SENP7: variants seen among roughly 807,000 people sequenced by gnomAD.
The protein encoded by SENP7 is sentrin-specific protease 7.
A neutral mutation model predicts 141.2 loss-of-function variants in SENP7; 64 were observed. The observed-to-expected ratio is 0.45, with a 90% CI of 0.37 to 0.56. The LOEUF (loss-of-function observed/expected upper bound fraction) is 0.56. Ranked by LOEUF, SENP7 falls within the 20% of genes least tolerant of loss-of-function variation. The pLI is 0.00. For missense variants in SENP7, 1,025 were observed against 1,212.2 expected (o/e 0.85, Z 2.29); for synonymous variants, 382 against 426.4 (o/e 0.90, Z 1.28).
intron 3 of SENP7, among the ~76,000 whole-genome samples, chr3:101,490,911 CA>C (rs964500400): frequency 6.6e-6 from 1 of 152,124 alleles, no homozygotes; most frequent in Non-Finnish European, 1.5e-5. Context: ...AACCACAGAG[CA>C]CAGTAAGGCT....
chr3:101,380,444 C>A (rs925531506), intron 6 of SENP7, among the ~76,000 whole-genome samples: 1 of 106,970 alleles, frequency 9.3e-6, no homozygotes, highest in Non-Finnish European at 2.1e-5. Flanking sequence ...CGCCCCCCCC[C>A]CCACACACAC....
At chr3:101,470,064 C>T (rs2063924097) in intron 3 of SENP7, among the ~76,000 whole-genome samples, 2 of 152,032 alleles carry the variant, frequency 1.3e-5, no homozygotes, top group Non-Finnish European at 1.5e-5. Flanking sequence ...ATCTCTGGGA[C>T]ATATTTAAAG....
intron 4 of SENP7, among the ~76,000 whole-genome samples, chr3:101,451,774 C>G (rs569508692): frequency 2.0e-5 from 3 of 152,294 alleles, no homozygotes; most frequent in African/African-American, 7.2e-5. Flanking sequence ...TGGGCAAAAA[C>G]TGGAAGCATT....
At chr3:101,366,368 T>TA (rs938638739) in intron 9 of SENP7, 62 bp downstream of exon 9, 19 of 1,264,490 alleles carry the variant, frequency 1.5e-5, no homozygotes, top group African/African-American at 1.4e-4. Context: ...TCAAGAAGAA[T>TA]AAAAAAATAA....
At chr3:101,490,744 T>A (rs1205742638) in intron 3 of SENP7, among the ~76,000 whole-genome samples, 3 of 152,152 alleles carry the variant, frequency 2.0e-5, no homozygotes, top group Admixed American at 2.0e-4. Flanking sequence ...TCCTAAAGAC[T>A]ATGGAAAGGG....
rs568184534 is a variant in SENP7 at position 101,347,125 on chromosome 3, G to A, written c.1837+747C>T. 6.6e-5 allele frequency among the ~76,000 whole-genome samples: 10 copies of A among 152,148 alleles called. No individual in the cohort carries two copies. The South Asian group carries it at 8.3e-4, about 13-fold the overall frequency. ...TAGTCCCAGCTACTTGGGAGGCTGAGGTGGGAGGATCACATGAGCCCAGGA... is the reference window on the plus strand; with the variant it reads ...TAGTCCCAGCTACTTGGGAGGCTGAAGTGGGAGGATCACATGAGCCCAGGA... On this transcript the variant is annotated intron_variant, in intron 13 of 23. Coordinates refer to ENST00000394095, the MANE Select transcript of SENP7 (RefSeq NM_020654.5).
intron 1 of SENP7, among the ~76,000 whole-genome samples, chr3:101,505,124 T>C (rs1046121989): frequency 2.6e-5 from 4 of 152,052 alleles, no homozygotes; most frequent in Admixed American, 2.0e-4. Context: ...ATATTCTCAC[T>C]ATAAGTAGGG....
chr3:101,451,184 A>G (rs1431629054), intron 4 of SENP7, among the ~76,000 whole-genome samples: 2 of 152,226 alleles, frequency 1.3e-5, no homozygotes, highest in South Asian at 2.1e-4. Flanking sequence ...TGAATCTCTG[A>G]ATAGACCAAT....
At chr3:101,462,929 A>C (rs2063597034) in intron 3 of SENP7, among the ~76,000 whole-genome samples, 1 of 152,210 alleles carries the variant, frequency 6.6e-6, no homozygotes, top group South Asian at 2.1e-4. Context: ...ATTCATCAAA[A>C]TCAAATATTT....
chr3:101,390,549 G>T (rs1175403440), intron 6 of SENP7, among the ~76,000 whole-genome samples: 1 of 151,996 alleles, frequency 6.6e-6, no homozygotes, highest in African/African-American at 2.4e-5. Context: ...AAGCTAAGAG[G>T]ATATAATTCC....
At chr3:101,329,274 T>C (rs898280984) in intron 20 of SENP7, among the ~76,000 whole-genome samples, 1 of 152,170 alleles carries the variant, frequency 6.6e-6, no homozygotes, top group Non-Finnish European at 1.5e-5. Flanking sequence ...TTAATTGACC[T>C]TGGAATCCTG....
At chr3:101,427,658 C>CT (rs988295793) in intron 4 of SENP7, among the ~76,000 whole-genome samples, 7 of 151,564 alleles carry the variant, frequency 4.6e-5, no homozygotes, top group Admixed American at 3.9e-4. Flanking sequence ...TTTTCTTTTT[C>CT]TTTTTTTTCT....
At chr3:101,362,964 C>T (rs1472556464) in intron 10 of SENP7, among the ~76,000 whole-genome samples, 1 of 152,164 alleles carries the variant, frequency 6.6e-6, no homozygotes, top group Non-Finnish European at 1.5e-5. Flanking sequence ...TGTGCCTAAC[C>T]TCTGCACATT....
intron 22 of SENP7, 70 bp from the exon 23 acceptor site, chr3:101,327,886 G>C: frequency 7.7e-7 from 1 of 1,290,916 alleles, no homozygotes; most frequent in Non-Finnish European, 1.1e-6. Flanking sequence ...TTTTCAGAAA[G>C]GCGGAAAAAC....
intron 11 of SENP7, among the ~76,000 whole-genome samples, chr3:101,356,125 T>C (rs893797483): frequency 6.6e-6 from 1 of 152,150 alleles, no homozygotes; most frequent in African/African-American, 2.4e-5. Context: ...TACTTTTAAC[T>C]ATAATTAATC....
Position 101,340,087 on chromosome 3 carries a change from GTACT to G in SENP7, c.2357+4_2357+7del. On this transcript the variant is annotated splice_donor_5th_base_variant and intron_variant, in intron 16 of 23. Coordinates refer to ENST00000394095, the MANE Select transcript of SENP7 (RefSeq NM_020654.5). ...AAAATATGTAGGATCATTTATCATT[GTACT>G]TACTTAAGGTAAAAATCAATGATTA... 1.9e-6 allele frequency: 3 copies of G among 1,565,192 alleles called. No homozygotes were observed. The highest frequency in any genetic ancestry group is 2.6e-6 in the Non-Finnish European group (3 of 1,163,538).
chr3:101,362,530 C>A (rs147045764), intron 10 of SENP7, among the ~76,000 whole-genome samples: 9 of 152,070 alleles, frequency 5.9e-5, no homozygotes, highest in African/African-American at 1.9e-4. Flanking sequence ...GATAATATTG[C>A]GTGATGCTGA....
chr3:101,417,843 A>T, intron 4 of SENP7, 53 bp from the exon 5 acceptor site: 1 of 1,355,594 alleles, frequency 7.4e-7, no homozygotes, highest in Non-Finnish European at 1.1e-6. Flanking sequence ...TGTAGAATAC[A>T]TGAATTCATC....
intron 4 of SENP7, among the ~76,000 whole-genome samples, chr3:101,422,574 G>A (rs2061822326): frequency 6.6e-6 from 1 of 152,070 alleles, no homozygotes; most frequent in Non-Finnish European, 1.5e-5. Flanking sequence ...AGGTAGGCTG[G>A]TTCCTGTTAC....
Sources: gnomAD v4.1 joint callset for allele counts (sites outside exome capture counted in the v4.1 genomes callset) on GRCh38, gnomAD v4.1.1 for gene constraint, MANE v1.5 for transcripts, NCBI Gene and HGNC (gene_info 2026-07-23, HGNC 2026-07-21) for gene names.